DOCK3: variants seen among roughly 807,000 people sequenced by gnomAD.
DOCK3 encodes the protein dedicator of cytokinesis protein 3.
In DOCK3, 60 loss-of-function variants were observed where a neutral mutation model predicts 265.6. That is an observed-to-expected ratio of 0.23 (90% confidence interval 0.18 to 0.28). The LOEUF (loss-of-function observed/expected upper bound fraction) is 0.28. DOCK3 is among the 10% of genes least tolerant of loss of function. The pLI is 1.00. For missense variants in DOCK3, 1,981 were observed against 2,594.3 expected (o/e 0.76, Z 5.14); for synonymous variants, 881 against 938.0 (o/e 0.94, Z 1.11).
At chr3:50,962,299 A>G (rs55675754) in intron 5 of DOCK3, among the ~76,000 whole-genome samples, 3,698 of 152,346 alleles carry the variant, frequency 0.024, 70 homozygotes, top group Middle Eastern at 0.041. Flanking sequence ...ATGATAGCTT[A>G]CAATGCATAT....
At chr3:51,360,437 C>T in intron 46 of DOCK3, 74 bp from the exon 47 acceptor site, 5 of 1,514,866 alleles carry the variant, frequency 3.3e-6, no homozygotes, top group Non-Finnish European at 4.5e-6. Flanking sequence ...GATCACCAGT[C>T]AGTTATTCCC....
chr3:51,367,403 C>T (rs2087280383), intron 49 of DOCK3, among the ~76,000 whole-genome samples: 1 of 152,086 alleles, frequency 6.6e-6, no homozygotes, highest in Non-Finnish European at 1.5e-5. Flanking sequence ...TGAGATGGGT[C>T]TCCTGAATAC....
intron 27 of DOCK3, among the ~76,000 whole-genome samples, chr3:51,285,209 C>T (rs912333321): frequency 9.2e-5 from 14 of 152,012 alleles, no homozygotes; most frequent in African/African-American, 3.4e-4. Context: ...TGGTGAGATC[C>T]TTCTACACAA....
intron 5 of DOCK3, among the ~76,000 whole-genome samples, chr3:51,013,290 C>A (rs112550675): frequency 0.017 from 2,572 of 152,278 alleles, 53 homozygotes; most frequent in African/African-American, 0.042. Context: ...GTGGTTTTAT[C>A]TACCTTTGGT....
At chr3:51,300,021 A>T (rs144625894) in intron 27 of DOCK3, among the ~76,000 whole-genome samples, 74 of 152,202 alleles carry the variant, frequency 4.9e-4, no homozygotes, top group African/African-American at 1.8e-3. Flanking sequence ...CCATTTTCAC[A>T]ATATTGATTC....
intron 26 of DOCK3, 158 bp downstream of exon 26, chr3:51,277,912 T>G: frequency 1.0e-6 from 1 of 985,358 alleles, no homozygotes; most frequent in Non-Finnish European, 1.2e-6. Context: ...AGTCTGACTC[T>G]CCTCTCTACT....
At chr3:51,088,252 A>T (rs1464687373) in intron 7 of DOCK3, among the ~76,000 whole-genome samples, 1 of 152,228 alleles carries the variant, frequency 6.6e-6, no homozygotes, top group Non-Finnish European at 1.5e-5. Context: ...AAAAGTGGTT[A>T]CCAAAGGTTG....
At chr3:50,776,760 A>G (rs2041625078) in intron 1 of DOCK3, among the ~76,000 whole-genome samples, 1 of 152,116 alleles carries the variant, frequency 6.6e-6, no homozygotes, top group South Asian at 2.1e-4. Context: ...ATAGTGATAG[A>G]TGGGGACCCA....
intron 23 of DOCK3, among the ~76,000 whole-genome samples, chr3:51,270,192 G>A (rs987428938): frequency 2.0e-5 from 3 of 152,142 alleles, no homozygotes; most frequent in African/African-American, 7.2e-5. Flanking sequence ...AAGAGTTTAT[G>A]GCTAACTAAA....
At chr3:51,347,153 A>G (rs1028579934) in intron 38 of DOCK3, among the ~76,000 whole-genome samples, 1 of 152,184 alleles carries the variant, frequency 6.6e-6, no homozygotes, top group African/African-American at 2.4e-5. Context: ...ATTAGATCCC[A>G]TCTGTCAACT....
At chr3:51,082,575 A>G (rs1405270099) in intron 7 of DOCK3, among the ~76,000 whole-genome samples, 1 of 152,194 alleles carries the variant, frequency 6.6e-6, no homozygotes, top group Non-Finnish European at 1.5e-5. Context: ...TGGCAGAGCC[A>G]CTGCATACCT....
At chr3:51,377,946 G>T (rs906061270) in intron 51 of DOCK3, among the ~76,000 whole-genome samples, 1 of 152,188 alleles carries the variant, frequency 6.6e-6, no homozygotes, top group Admixed American at 6.5e-5. Context: ...TATTTCTTTG[G>T]TGGCTTTTTA....
At chr3:50,888,139 G>A (rs1241849154) in intron 3 of DOCK3, among the ~76,000 whole-genome samples, 2 of 152,118 alleles carry the variant, frequency 1.3e-5, no homozygotes, top group Non-Finnish European at 2.9e-5. Flanking sequence ...ATCTCCTTAA[G>A]CTGATAAGCA....
At chr3:50,865,336 C>T (rs1326792394) in intron 3 of DOCK3, among the ~76,000 whole-genome samples, 1 of 152,176 alleles carries the variant, frequency 6.6e-6, no homozygotes, top group Admixed American at 6.5e-5. Flanking sequence ...CATTCTTCTA[C>T]TCTCTGTCTC....
chr3:51,230,248 C>A (rs2090489485), intron 19 of DOCK3, among the ~76,000 whole-genome samples: 1 of 152,142 alleles, frequency 6.6e-6, no homozygotes, highest in South Asian at 2.1e-4. Flanking sequence ...TAGTACCCAG[C>A]AGTTTTTCAA....
intron 12 of DOCK3, among the ~76,000 whole-genome samples, chr3:51,169,223 A>T (rs982838546): frequency 2.0e-5 from 3 of 152,222 alleles, no homozygotes; most frequent in African/African-American, 7.2e-5. Context: ...TGACCCAGCA[A>T]TTCCATTACT....
intron 9 of DOCK3, among the ~76,000 whole-genome samples, chr3:51,114,779 T>C (rs1576127136): frequency 6.6e-6 from 1 of 152,080 alleles, no homozygotes; most frequent in Non-Finnish European, 1.5e-5. Context: ...CATTAGGTAT[T>C]TCTCCTAATG....
intron 14 of DOCK3, among the ~76,000 whole-genome samples, chr3:51,215,379 C>A (rs1264403039): frequency 6.6e-6 from 1 of 152,208 alleles, no homozygotes; most frequent in African/African-American, 2.4e-5. Flanking sequence ...GAACTCCTGA[C>A]CTCAGCCTCC....
At chr3:50,945,025 A>G (rs1302619868) in intron 5 of DOCK3, among the ~76,000 whole-genome samples, 1 of 152,218 alleles carries the variant, frequency 6.6e-6, no homozygotes, top group African/African-American at 2.4e-5. Context: ...GTTGTTTCCT[A>G]TCAACTTAAA....
Sources: gnomAD v4.1 joint callset for allele counts (sites outside exome capture counted in the v4.1 genomes callset) on GRCh38, gnomAD v4.1.1 for gene constraint, MANE v1.5 for transcripts, NCBI Gene and HGNC (gene_info 2026-07-23, HGNC 2026-07-21) for gene names.